ARHGAP44: variants seen among roughly 807,000 people sequenced by gnomAD.
ARHGAP44 encodes the protein Rho GTPase activating protein 44, also known as rho GTPase-activating protein 44.
A neutral mutation model predicts 106.8 loss-of-function variants in ARHGAP44; 43 were observed. The observed-to-expected ratio is 0.40, with a 90% CI of 0.32 to 0.52. The LOEUF is 0.52. Among genes scored for constraint, ARHGAP44 ranks in the 20% least tolerant of loss-of-function variants. ARHGAP44 has a pLI of 0.48. For synonymous variants in ARHGAP44, 439 were observed against 410.3 expected, an observed-to-expected ratio of 1.07 and a Z score of -0.85; for missense variants, 866 against 1,050.5, an observed-to-expected ratio of 0.82 and a Z score of 2.43.
intron 1 of ARHGAP44, among the ~76,000 whole-genome samples, chr17:12,796,807 G>A (rs1313221505): frequency 3.4e-5 from 5 of 148,880 alleles, no homozygotes; most frequent in Non-Finnish European, 5.9e-5. Flanking sequence ...GGGTTTCACC[G>A]TGTTAGCCAG....
chr17:12,838,452 C>T (rs1021317504), intron 1 of ARHGAP44, among the ~76,000 whole-genome samples: 18 of 152,084 alleles, frequency 1.2e-4, no homozygotes, highest in African/African-American at 4.3e-4. Context: ...TGCCAGTACC[C>T]GTATTAGCCT....
At chr17:12,934,514 C>T (rs146100420) in intron 7 of ARHGAP44, among the ~76,000 whole-genome samples, 36 of 152,280 alleles carry the variant, frequency 2.4e-4, no homozygotes, top group African/African-American at 8.4e-4. Context: ...GAAGCATTTA[C>T]GTTACTTCAG....
At chr17:12,979,402 C>T (rs530067768) in intron 18 of ARHGAP44, among the ~76,000 whole-genome samples, 2 of 152,278 alleles carry the variant, frequency 1.3e-5, no homozygotes, top group African/African-American at 4.8e-5. Flanking sequence ...GGCCAGAGCC[C>T]TCACTGCCAT....
At chr17:12,875,544 A>G (rs2036525734) in intron 1 of ARHGAP44, among the ~76,000 whole-genome samples, 1 of 152,154 alleles carries the variant, frequency 6.6e-6, no homozygotes, top group Admixed American at 6.5e-5. Context: ...GTGAGCTATG[A>G]TTGTGCCACT....
At chr17:12,988,728 T>G (rs117322397) in intron 20 of ARHGAP44, 1 of 152,210 alleles carries the variant, frequency 6.6e-6, no homozygotes, top group Admixed American at 6.6e-5. Flanking sequence ...ATGTGTTCCC[T>G]TCCTCTGCCT....
chr17:12,952,869 A>G (rs2039031187), intron 13 of ARHGAP44, among the ~76,000 whole-genome samples: 1 of 151,422 alleles, frequency 6.6e-6, no homozygotes, highest in African/African-American at 2.4e-5. Context: ...GAGTAGCTAT[A>G]GGCACCCACC....
chr17:12,967,479 C>T (rs889458663), intron 16 of ARHGAP44, among the ~76,000 whole-genome samples: 9 of 151,986 alleles, frequency 5.9e-5, no homozygotes, highest in African/African-American at 2.2e-4. Context: ...CAAAGACAGG[C>T]TTATTCTGAA....
intron 6 of ARHGAP44, among the ~76,000 whole-genome samples, chr17:12,920,576 G>C (rs1598056421): frequency 6.6e-6 from 1 of 152,050 alleles, no homozygotes; most frequent in South Asian, 2.1e-4. Flanking sequence ...AAATGCAAAG[G>C]CCTCTTCAAG....
intron 4 of ARHGAP44, among the ~76,000 whole-genome samples, chr17:12,911,636 C>T (rs932399473): frequency 6.6e-6 from 1 of 152,066 alleles, no homozygotes; most frequent in African/African-American, 2.4e-5. Context: ...AAACTCTGCC[C>T]CAACCACATG....
intron 19 of ARHGAP44, among the ~76,000 whole-genome samples, chr17:12,983,977 G>A (rs2039895156): frequency 6.6e-6 from 1 of 152,188 alleles, no homozygotes; most frequent in African/African-American, 2.4e-5. Flanking sequence ...AAGGAACAGG[G>A]GTTCTGTGGC....
intron 1 of ARHGAP44, among the ~76,000 whole-genome samples, chr17:12,837,344 A>G (rs62060441): frequency 0.023 from 3,478 of 152,334 alleles, 44 homozygotes; most frequent in Non-Finnish European, 0.032. Context: ...TGATTATTAC[A>G]CATTGTATGC....
chr17:12,886,819 C>A (rs969018767), intron 1 of ARHGAP44, among the ~76,000 whole-genome samples: 3 of 152,024 alleles, frequency 2.0e-5, no homozygotes, highest in African/African-American at 7.2e-5. Context: ...CTTCCAGGAC[C>A]ATGATGAATG....
At chr17:12,967,164 A>AT (rs966870762) in intron 16 of ARHGAP44, among the ~76,000 whole-genome samples, 4 of 140,058 alleles carry the variant, frequency 2.9e-5, no homozygotes, top group Non-Finnish European at 6.1e-5. Context: ...TAAGGTCTCC[A>AT]TCCAGGGTGT....
intron 1 of ARHGAP44, among the ~76,000 whole-genome samples, chr17:12,835,419 C>G (rs1206183817): frequency 6.6e-6 from 1 of 152,200 alleles, no homozygotes; most frequent in East Asian, 1.9e-4. Context: ...TAAATCAATA[C>G]CGTAGGCATG....
chr17:12,970,968 GT>G (rs2039515126), intron 16 of ARHGAP44, among the ~76,000 whole-genome samples: 1 of 152,180 alleles, frequency 6.6e-6, no homozygotes. Flanking sequence ...TGCTGCTGCC[GT>G]TGTGATTGAT....
Position 12,949,147 on chromosome 17 carries a change from T to G in ARHGAP44, c.869T>G (p.Phe290Cys). Residue 290 changes from phenylalanine (F) to cysteine (C), a missense_variant, in exon 11 of 21, where the codon TTC (phenylalanine) becomes TGC (cysteine). Physicochemically the swap from Phe to Cys is radical, Grantham distance 205 (BLOSUM62 -2). Transcript: ENST00000379672. The surrounding 1 kb of genome is among the most constrained non-coding windows in gnomAD (Gnocchi z 4.1). ...LECGMQEEGL[F>C]RVAPSASKLK... ...CCTCTGTCCTGTTGGTAGGGACTCT[T>G]CCGAGTAGCCCCCTCTGCCTCCAAA... is the stretch of plus-strand genomic sequence containing the variant. 1 of 1,568,182 alleles carries G rather than the reference T, an allele frequency of 6.4e-7. No individual in the cohort carries two copies. The highest frequency in any genetic ancestry group is 8.6e-7 in the Non-Finnish European group (1 of 1,156,656).
chr17:12,928,852 G>C lies in ARHGAP44; in HGVS notation c.465-77G>C. 3.9e-6 allele frequency: 5 copies of C among 1,282,570 alleles called. No homozygotes were observed. In the South Asian group the frequency reaches 6.6e-5, roughly 17 times the overall value. 79.4% of individuals were successfully genotyped at this position (1,282,570 alleles called of 1,614,324 possible). A position where few individuals can be genotyped will look rare whatever the true frequency, so the allele number is the denominator to read the frequency against. ...GTTCCCTGGGTGATATTTGTAACCA[G>C]ATGTTTTCTCAGTGCTCCCATGGGA... On this transcript the variant is annotated intron_variant, in intron 6 of 20. Coordinates refer to ENST00000379672, the MANE Select transcript of ARHGAP44 (RefSeq NM_014859.6).
intron 7 of ARHGAP44, among the ~76,000 whole-genome samples, chr17:12,935,761 G>T (rs1025596049): frequency 1.3e-5 from 2 of 152,142 alleles, no homozygotes; most frequent in African/African-American, 4.8e-5. Context: ...GTGAGCCAAT[G>T]ATGTAGAGAA....
intron 1 of ARHGAP44, chr17:12,790,835 C>A: frequency 6.6e-6 from 1 of 152,292 alleles, no homozygotes. Context: ...CCTGGAACCC[C>A]TACTCCTGGG....
Sources: allele counts gnomAD v4.1 joint callset (sites outside exome capture counted in the v4.1 genomes callset), GRCh38; gene constraint gnomAD v4.1.1; non-coding constraint Gnocchi (gnomAD v3.1); transcripts MANE v1.5; gene names NCBI Gene and HGNC (gene_info 2026-07-23, HGNC 2026-07-21).